Variants in STIM1 observed in about 807,000 individuals in gnomAD.
STIM1 encodes the protein stromal interaction molecule 1.
Under a neutral mutation model 74.7 loss-of-function variants are expected in STIM1, and 25 were observed. That is an observed-to-expected ratio of 0.33 (90% CI 0.24 to 0.47). The LOEUF (loss-of-function observed/expected upper bound fraction) is 0.47, where lower values mean the gene tolerates loss of function less well. Among genes scored for constraint, STIM1 ranks in the 20% least tolerant of loss-of-function variants. The pLI is 1.00. For missense variants in STIM1, 728 were observed against 920.8 expected (o/e 0.79, Z 2.71); for synonymous variants, 328 against 348.8 (o/e 0.94, Z 0.66).
chr11:3,911,520 G>T (rs1057390835), intron 1 of STIM1, among the ~76,000 whole-genome samples: 1 of 152,062 alleles, frequency 6.6e-6, no homozygotes, highest in East Asian at 1.9e-4. Flanking sequence ...GAGTAGCTCG[G>T]ACTACAGGCA....
At chr11:3,957,066 A>T (rs1216849843) in intron 1 of STIM1, among the ~76,000 whole-genome samples, 2 of 152,112 alleles carry the variant, frequency 1.3e-5, no homozygotes, top group African/African-American at 4.8e-5. Context: ...ATCATGTGTC[A>T]GGTGGAATCA....
chr11:3,946,061 C>T (rs2093068982), intron 1 of STIM1, among the ~76,000 whole-genome samples: 3 of 152,124 alleles, frequency 2.0e-5, no homozygotes, highest in Non-Finnish European at 2.9e-5. Context: ...GCTCCACCTC[C>T]GGCATAGGTG....
chr11:3,885,981 G>C lies in STIM1; in HGVS notation c.139+29572G>C, dbSNP rs2091691366. ...TGAGTTTGAGCATGATCGTAGGCAA[G>C]GGCCCATCAATGAAGGTGTTGAGGA... On this transcript the variant is annotated intron_variant, in intron 1 of 12. Transcript: ENST00000526596. Among the ~76,000 whole-genome samples the C allele has an allele frequency of 1.3e-5, 2 of 152,162 alleles. 1 individual carries two copies. The highest frequency in any genetic ancestry group is 4.1e-4 in the South Asian group (2 of 4,830).
chr11:3,919,658 C>T (rs546645273), intron 1 of STIM1, among the ~76,000 whole-genome samples: 34 of 152,172 alleles, frequency 2.2e-4, no homozygotes, highest in African/African-American at 8.0e-4. Context: ...CTATATGGTA[C>T]GGTGTATAAA....
At chr11:3,941,583 A>ATGTGTGTGTGTG (rs1207631262) in intron 1 of STIM1, among the ~76,000 whole-genome samples, 2 of 115,894 alleles carry the variant, frequency 1.7e-5, no homozygotes, top group African/African-American at 7.3e-5. Context: ...AGAAGCATAT[A>ATGTGTGTGTGTG]TATGTGTGTG....
intron 1 of STIM1, chr11:3,947,760 C>T (rs2093096695): frequency 6.6e-6 from 1 of 152,160 alleles, no homozygotes; most frequent in South Asian, 2.1e-4. Flanking sequence ...TATCAAGGCT[C>T]TGGAGACAGA....
At chr11:3,968,383 A>C (rs745723437) in intron 2 of STIM1, among the ~76,000 whole-genome samples, 3 of 152,214 alleles carry the variant, frequency 2.0e-5, no homozygotes, top group African/African-American at 4.8e-5. Flanking sequence ...AGTTATGCCA[A>C]ATCTTCAATA....
At chr11:3,925,070 A>T (rs774409521) in intron 1 of STIM1, among the ~76,000 whole-genome samples, 15 of 152,212 alleles carry the variant, frequency 9.9e-5, no homozygotes, top group Non-Finnish European at 1.8e-4. Flanking sequence ...ATTTTCTAAC[A>T]GTATTTGCTG....
chr11:3,936,895 C>T (rs551085975), intron 1 of STIM1, among the ~76,000 whole-genome samples: 106 of 152,160 alleles, frequency 7.0e-4, no homozygotes, highest in African/African-American at 2.4e-3. Flanking sequence ...TAATTAGAAC[C>T]CAATGGGTGG....
intron 1 of STIM1, among the ~76,000 whole-genome samples, chr11:3,863,024 C>T (rs551251254): frequency 5.9e-4 from 89 of 151,922 alleles, no homozygotes; most frequent in African/African-American, 2.1e-3. Context: ...TCCCAAGTAG[C>T]TGGGATTACA....
At chr11:3,929,333 C>G (rs2092829907) in intron 1 of STIM1, among the ~76,000 whole-genome samples, 1 of 152,170 alleles carries the variant, frequency 6.6e-6, no homozygotes, top group Non-Finnish European at 1.5e-5. Flanking sequence ...CATTCTGGTT[C>G]CATGAAGTCA....
chr11:3,978,955 G>C (rs1271468145), intron 2 of STIM1, among the ~76,000 whole-genome samples: 1 of 152,098 alleles, frequency 6.6e-6, no homozygotes, highest in African/African-American at 2.4e-5. Context: ...ATGTTATGCT[G>C]TATTTCCTTA....
At chr11:4,008,396 G>C (rs2093803545) in intron 2 of STIM1, among the ~76,000 whole-genome samples, 1 of 151,960 alleles carries the variant, frequency 6.6e-6, no homozygotes, top group African/African-American at 2.4e-5. Flanking sequence ...TTTTAACAGA[G>C]GCTAATTTGT....
chr11:4,084,394 A>G (rs1009582522), intron 10 of STIM1, among the ~76,000 whole-genome samples: 3 of 152,190 alleles, frequency 2.0e-5, no homozygotes, highest in Non-Finnish European at 4.4e-5. Flanking sequence ...AATTTTATCA[A>G]TAATACTTTG....
chr11:3,964,573 AC>A (rs2093321779), intron 1 of STIM1, among the ~76,000 whole-genome samples: 1 of 152,092 alleles, frequency 6.6e-6, no homozygotes, highest in African/African-American at 2.4e-5. Context: ...TGGTTAATTG[AC>A]CTCAGGCCAG....
At chr11:4,041,399 T>C (rs757544740) in intron 3 of STIM1, among the ~76,000 whole-genome samples, 16 of 152,192 alleles carry the variant, frequency 1.1e-4, no homozygotes, top group African/African-American at 1.7e-4. Flanking sequence ...TGAATGGCGA[T>C]AATAATTATA....
intron 1 of STIM1, among the ~76,000 whole-genome samples, chr11:3,914,826 A>T (rs2092619562): frequency 6.6e-6 from 1 of 152,224 alleles, no homozygotes. Flanking sequence ...GGAACCACCA[A>T]ACTGTTTTCC....
chr11:4,060,372 G>A lies in STIM1; in HGVS notation c.613+976G>A, dbSNP rs577439219. Among the ~76,000 whole-genome samples the A allele has an allele frequency of 1.1e-4, 17 of 152,342 alleles. No homozygotes were observed. In the South Asian group the frequency reaches 3.5e-3, roughly 32 times the overall value. ...AACCAGGAAACAGTCCAGAGAAGCA[G>A]CTGGCAGGCAAGGTCAGAGGCCATA... is the stretch of plus-strand genomic sequence containing the variant. On this transcript the variant is annotated intron_variant, in intron 5 of 12. Coordinates refer to ENST00000526596, the MANE Select transcript of STIM1 (RefSeq NM_001382567.1).
Position 3,868,102 on chromosome 11 carries a change from C to A in STIM1, c.139+11693C>A, listed in dbSNP as rs1207408045. On this transcript the variant is annotated intron_variant, in intron 1 of 12. Coordinates refer to ENST00000526596, the MANE Select transcript of STIM1 (RefSeq NM_001382567.1). The stretch of plus-strand genomic sequence containing the variant: ...GTGGCCTTCAGGTGTAACACACACA[C>A]ACAGGTTAGAAAGCAGTGTGTGTCT... 2.6e-5 allele frequency: 4 copies of A among 152,162 alleles called. No individual in the cohort carries two copies. In the East Asian group the frequency reaches 7.7e-4, roughly 29 times the overall value. The allele number at this position is 152,162 out of a possible 1,614,324, so 9.4% of individuals were successfully genotyped here. A position where few individuals can be genotyped will look rare whatever the true frequency, so the allele number is the denominator to read the frequency against.
Sources: allele counts gnomAD v4.1 joint callset (sites outside exome capture counted in the v4.1 genomes callset), GRCh38; gene constraint gnomAD v4.1.1; transcripts MANE v1.5; gene names NCBI Gene and HGNC (gene_info 2026-07-23, HGNC 2026-07-21).